Variants in COG2 observed in about 807,000 individuals in gnomAD.
The protein encoded by COG2 is conserved oligomeric Golgi complex subunit 2.
COG2 carries 52 observed loss-of-function variants against 90.6 expected under a neutral mutation model. That is an observed-to-expected ratio of 0.57 (90% CI 0.46 to 0.72). COG2 has a LOEUF of 0.72. Ranked by LOEUF, COG2 falls within the 30% of genes least tolerant of loss-of-function variation. COG2 has a pLI of 0.00. For missense variants in COG2, 829 were observed against 891.2 expected, an observed-to-expected ratio of 0.93 and a Z score of 0.89; for synonymous variants, 337 against 320.4, an observed-to-expected ratio of 1.05 and a Z score of -0.55.
In COG2 at chr1:230,642,631, C is replaced by T. The variant is rs549229902; in HGVS notation, c.25C>T (p.Pro9Ser). 1.9e-6 allele frequency: 3 copies of T among 1,613,230 alleles called. No homozygotes were observed. Among genetic ancestry groups the T allele is most frequent in the African/African-American group, 2.7e-5 (2 of 75,052 alleles). The part of the protein sequence containing the change: MEKSRMNL[P>S]KGPDTLCFDK... Reference sequence around the variant, plus strand: ...GATGGAGAAAAGTAGGATGAACCTGCCCAAGGGGCCGGACACGCTCTGCTT... The same window carrying T: ...GATGGAGAAAAGTAGGATGAACCTGTCCAAGGGGCCGGACACGCTCTGCTT... Residue 9 changes from proline to serine, a missense_variant, in exon 1 of 18, where the codon CCC becomes TCC. By Grantham distance (74) the Pro-to-Ser change is moderately conservative. Coordinates refer to ENST00000366669, the MANE Select transcript of COG2 (RefSeq NM_007357.3).
intron 8 of COG2, among the ~76,000 whole-genome samples, chr1:230,674,196 C>G (rs1442214831): frequency 2.0e-5 from 3 of 152,128 alleles, no homozygotes; most frequent in Non-Finnish European, 4.4e-5. Flanking sequence ...TAGGCACTAT[C>G]CTAAGTACTT....
chr1:230,663,103 A>G (rs756934078), intron 3 of COG2, 38 bp from the exon 4 acceptor site: 15 of 1,519,978 alleles, frequency 9.9e-6, no homozygotes, highest in Non-Finnish European at 1.3e-5. Context: ...ATGTTACAAA[A>G]CAATCTCTGC....
At chr1:230,657,639 C>T (rs757408058) in intron 1 of COG2, among the ~76,000 whole-genome samples, 17 of 152,068 alleles carry the variant, frequency 1.1e-4, no homozygotes, top group African/African-American at 3.4e-4. Flanking sequence ...GAAGTTCTCC[C>T]GGATAACATT....
rs1355113226 is a variant in COG2 at position 230,642,523 on chromosome 1, G to T, written c.-84G>T. On this transcript the variant is annotated 5_prime_UTR_variant, in exon 1 of 18. Transcript: ENST00000366669. Reference sequence around the variant, plus strand: ...CCCCCCTGTGCCGTGGAAACTGGCGGTGGCCGCGGCCGCCGAGTCGGTCTG... The same window carrying T: ...CCCCCCTGTGCCGTGGAAACTGGCGTTGGCCGCGGCCGCCGAGTCGGTCTG... The T allele has an allele frequency of 2.1e-6, 3 of 1,400,378 alleles. No individual in the cohort carries two copies. The highest frequency in any genetic ancestry group is 3.0e-6 in the Non-Finnish European group (3 of 1,013,766). 86.7% of individuals were successfully genotyped at this position (1,400,378 alleles called of 1,614,324 possible).
intron 13 of COG2, among the ~76,000 whole-genome samples, chr1:230,687,444 C>CCA: frequency 6.6e-6 from 1 of 152,300 alleles, no homozygotes; most frequent in East Asian, 1.9e-4. Context: ...CCATGCTCCC[C>CCA]CACTTTTTTT....
chr1:230,686,778 G>A (rs1172254753), intron 12 of COG2, among the ~76,000 whole-genome samples, 157 bp from the exon 13 acceptor site: 1 of 152,102 alleles, frequency 6.6e-6, no homozygotes, highest in African/African-American at 2.4e-5. Context: ...CCTTCCTGTA[G>A]ATACAATATT....
chr1:230,650,175 C>T (rs1661878774), intron 1 of COG2, among the ~76,000 whole-genome samples: 1 of 152,160 alleles, frequency 6.6e-6, no homozygotes, highest in Non-Finnish European at 1.5e-5. Flanking sequence ...CTTCAATAAA[C>T]ATAGGAGTGC....
At position 230,659,586 on chromosome 1, in the gene COG2, C is replaced by A. The variant is rs1381769606; in HGVS notation, c.195C>A (p.Asn65Lys). The A allele has an allele frequency of 1.2e-6, 2 of 1,613,996 alleles. No homozygotes were observed. The highest frequency in any genetic ancestry group is 2.2e-5 in the South Asian group (2 of 91,054). ...AAACAGCCATGGTCGAACTCATCAA[C>A]AAGGATTATGCAGATTTTGTCAATC... ...LLKTAMVELINKDYADFVNLS... is the reference protein window; with the variant it reads ...LLKTAMVELIKKDYADFVNLS... Residue 65 changes from asparagine (N) to lysine (K), a missense_variant, in exon 2 of 18, where the codon AAC becomes AAA. By Grantham distance (94) the Asn-to-Lys change is moderately conservative (BLOSUM62 0). Coordinates refer to ENST00000366669, the MANE Select transcript of COG2 (RefSeq NM_007357.3).
chr1:230,679,781 T>C (rs1397997434), intron 10 of COG2: 1 of 152,256 alleles, frequency 6.6e-6, no homozygotes, highest in Non-Finnish European at 1.5e-5. Context: ...TTCCGTAGAA[T>C]GGATTTTACT....
At chr1:230,653,402 G>A (rs1052108003) in intron 1 of COG2, among the ~76,000 whole-genome samples, 3 of 151,926 alleles carry the variant, frequency 2.0e-5, no homozygotes, top group East Asian at 1.9e-4. Flanking sequence ...TGTATTTTTA[G>A]TAGAGATGGG....
intron 14 of COG2, 125 bp from the exon 15 acceptor site, chr1:230,688,295 G>A (rs187785533): frequency 7.6e-7 from 1 of 1,308,088 alleles, no homozygotes. Context: ...TAAATAAGAT[G>A]TTTTATTTAA....
intron 9 of COG2, among the ~76,000 whole-genome samples, chr1:230,677,343 A>G (rs983742200): frequency 2.6e-5 from 4 of 152,206 alleles, no homozygotes. Context: ...TTTTAAGTGT[A>G]GAGAGGCACA....
At chr1:230,692,394 G>A (rs1185153688) in intron 17 of COG2, among the ~76,000 whole-genome samples, 1 of 151,296 alleles carries the variant, frequency 6.6e-6, no homozygotes, top group Admixed American at 6.6e-5. Flanking sequence ...TGATTTTCTA[G>A]CTCACTAAGG....
rs780881778 is a variant in COG2 at position 230,685,075 on chromosome 1, T to G, written c.1229-10T>G. 5.0e-6 allele frequency: 8 copies of G among 1,613,740 alleles called. No homozygotes were observed. The highest frequency in any genetic ancestry group is 5.9e-6 in the Non-Finnish European group (7 of 1,179,930). On this transcript the variant is annotated splice_polypyrimidine_tract_variant and intron_variant, in intron 11 of 17. Transcript: ENST00000366669. ...TCCTTAAATGTGTGTTGTTGTTGTT[T>G]TTTCTCTAGCTGAAAGTCCGTATTG...
intron 1 of COG2, chr1:230,643,059 C>CGCTTT: frequency 5.1e-6 from 1 of 197,126 alleles, no homozygotes. Flanking sequence ...AATAAATCTC[C>CGCTTT]AAGCCCACGT....
intron 5 of COG2, among the ~76,000 whole-genome samples, chr1:230,666,557 G>C (rs548133882): frequency 6.6e-6 from 1 of 152,244 alleles, no homozygotes; most frequent in South Asian, 2.1e-4. Flanking sequence ...GTGTTTTTAA[G>C]GTAAATCTTA....
rs560553732 is a variant in COG2, at chr1:230,651,282, T to A, written c.73-8182T>A. On this transcript the variant is annotated intron_variant, in intron 1 of 17. Coordinates refer to ENST00000366669, the MANE Select transcript of COG2 (RefSeq NM_007357.3). ...TTGGGGAACATTTTACTTTTTGACG[T>A]TCAGCATGGGGCAGCTTGGAGAATT... Among the ~76,000 whole-genome samples, 4 of 152,282 alleles carry A rather than the reference T, an allele frequency of 2.6e-5. No homozygotes were observed. In the East Asian group the frequency reaches 7.7e-4, roughly 29 times the overall value.
chr1:230,692,732 C>T (rs76534106), intron 17 of COG2, among the ~76,000 whole-genome samples: 1 of 149,804 alleles, frequency 6.7e-6, no homozygotes, highest in South Asian at 2.1e-4. Flanking sequence ...TTTCTCTGTG[C>T]GTGTGTGTGG....
intron 1 of COG2, among the ~76,000 whole-genome samples, chr1:230,651,235 A>G (rs1661907578): frequency 1.3e-5 from 2 of 152,042 alleles, no homozygotes; most frequent in Non-Finnish European, 2.9e-5. Flanking sequence ...GCAGTAGCCG[A>G]TGATTTGATA....
Sources: allele counts gnomAD v4.1 joint callset (sites outside exome capture counted in the v4.1 genomes callset), GRCh38; gene constraint gnomAD v4.1.1; transcripts MANE v1.5; gene names NCBI Gene and HGNC (gene_info 2026-07-23, HGNC 2026-07-21).